Variants in MOK observed in about 807,000 individuals in gnomAD.
MOK encodes the protein MAPK/MAK/MRK overlapping kinase.
MOK carries 59 observed loss-of-function variants against 54.2 expected under a neutral mutation model. The ratio of observed to expected loss-of-function variants is 1.09; its 90% CI spans 0.88 to 1.35. The LOEUF is 1.35. Among genes scored for constraint, MOK ranks in the 40% most tolerant of loss-of-function variants. The pLI is 0.00. For synonymous variants in MOK, 210 were observed against 202.7 expected, an observed-to-expected ratio of 1.04 and a Z score of -0.31; for missense variants, 517 against 526.2, an observed-to-expected ratio of 0.98 and a Z score of 0.17.
chr14:102,236,106 G>A lies in MOK; in HGVS notation c.591-2317C>T, dbSNP rs1039855981. ...CCAGCAGACAGGCCACTGGAAGTCC[G>A]ACTGTCCTCTCAACAGACAGACAAG... is the stretch of plus-strand genomic sequence containing the variant. On this transcript the variant is annotated intron_variant, in intron 7 of 11. Coordinates refer to ENST00000361847, the MANE Select transcript of MOK (RefSeq NM_014226.3). The surrounding 1 kb of genome is among the most constrained non-coding windows in gnomAD (Gnocchi z 4.5). Among the ~76,000 whole-genome samples, 8 of 152,172 alleles carry A rather than the reference G, an allele frequency of 5.3e-5. No individual in the cohort carries two copies. Among genetic ancestry groups the A allele is most frequent in the African/African-American group, 9.7e-5 (4 of 41,446 alleles).
At chr14:102,294,600 C>G (rs556475024) in intron 1 of MOK, among the ~76,000 whole-genome samples, 3 of 151,374 alleles carry the variant, frequency 2.0e-5, no homozygotes, top group African/African-American at 4.9e-5. Flanking sequence ...GAGTGACAGA[C>G]AGCGAGAGAC....
intron 1 of MOK, among the ~76,000 whole-genome samples, chr14:102,303,734 C>T (rs1242016552): frequency 6.6e-6 from 1 of 152,152 alleles, no homozygotes; most frequent in African/African-American, 2.4e-5. Context: ...TAGTAGTCTA[C>T]AACTAACTCT....
chr14:102,232,884 G>A lies in MOK; in HGVS notation c.693-176C>T. On this transcript the variant is annotated intron_variant, in intron 8 of 11. Coordinates refer to ENST00000361847, the MANE Select transcript of MOK (RefSeq NM_014226.3). The surrounding 1 kb of genome is among the most constrained non-coding windows in gnomAD (Gnocchi z 5.1). ...GAGGGACCCCTGATGTAAATGATGG[G>A]CTCTGTGTAGTAATGAGATATCCAC... 1 of 546,154 alleles carries A rather than the reference G, an allele frequency of 1.8e-6. No individual in the cohort carries two copies. The highest frequency in any genetic ancestry group is 3.2e-6 in the Non-Finnish European group (1 of 310,238). The allele number at this position is 546,154 out of a possible 1,614,324, so 33.8% of individuals were successfully genotyped here. A position where few individuals can be genotyped will look rare whatever the true frequency, so the allele number is the denominator to read the frequency against.
chr14:102,284,815 C>T (rs558060541), intron 1 of MOK, among the ~76,000 whole-genome samples: 1 of 152,276 alleles, frequency 6.6e-6, no homozygotes, highest in African/African-American at 2.4e-5. Context: ...CGGTGGCTCA[C>T]GCCTGTAATC....
chr14:102,275,009 TA>T (rs2068725301), intron 2 of MOK, among the ~76,000 whole-genome samples: 1 of 151,082 alleles, frequency 6.6e-6, no homozygotes, highest in Non-Finnish European at 1.5e-5. Flanking sequence ...AGACTTTTAG[TA>T]TCTGACTTCA....
chr14:102,297,444 T>C (rs1041164416), intron 1 of MOK, among the ~76,000 whole-genome samples: 7 of 152,140 alleles, frequency 4.6e-5, no homozygotes, highest in African/African-American at 1.7e-4. Context: ...AAAGGATTAT[T>C]TGAGGTACCT....
Position 102,231,670 on chromosome 14 carries a change from G to A in MOK, c.981+37C>T, listed in dbSNP as rs2064723066. The A allele has an allele frequency of 1.9e-6, 3 of 1,587,874 alleles. No individual in the cohort carries two copies. Among genetic ancestry groups the A allele is most frequent in the Non-Finnish European group, 2.6e-6 (3 of 1,159,112 alleles). ...CACCCGAGGGCATCCAGTCCCGGCTGAGCTAGGCAGTCTCCGGCTCCGATT... is the reference window on the plus strand; with the variant it reads ...CACCCGAGGGCATCCAGTCCCGGCTAAGCTAGGCAGTCTCCGGCTCCGATT... On this transcript the variant is annotated intron_variant, in intron 10 of 11. Transcript: ENST00000361847. This position sits in a 1 kb window ranked among gnomAD's most constrained non-coding sequence, Gnocchi z 4.4.
At chr14:102,288,342 T>C (rs533820389) in intron 1 of MOK, among the ~76,000 whole-genome samples, 1 of 152,332 alleles carries the variant, frequency 6.6e-6, no homozygotes, top group Admixed American at 6.5e-5. Context: ...CAATGGAATA[T>C]TACTCAGCCA....
intron 2 of MOK, among the ~76,000 whole-genome samples, chr14:102,269,189 ATT>A (rs561391144): frequency 2.1e-5 from 3 of 144,110 alleles, no homozygotes; most frequent in African/African-American, 2.5e-5. Context: ...AAATAAGAGA[ATT>A]TTTTTTTTTT....
chr14:102,218,945 G>A, the MOK span, among the ~76,000 whole-genome samples: 4 of 152,202 alleles, frequency 2.6e-5, no homozygotes, highest in Admixed American at 6.5e-5. Flanking sequence ...CGGCCGGGCC[G>A]GGCCTTGCCC....
downstream of MOK, chr14:102,222,771 A>G (rs1452397801): frequency 1.1e-5 from 17 of 1,599,908 alleles, no homozygotes; most frequent in South Asian, 1.1e-4. The surrounding 1 kb of genome is among the most constrained non-coding windows in gnomAD (Gnocchi z 4.4). Context: ...GAGGGCGCGC[A>G]TGGTGGCTGT....
chr14:102,245,052 G>A lies in MOK; in HGVS notation c.590+5760C>T, dbSNP rs2065987586. 6.6e-6 allele frequency among the ~76,000 whole-genome samples: 1 copy of A among 152,056 alleles called. No homozygotes were observed. Among genetic ancestry groups the A allele is most frequent in the African/African-American group, 2.4e-5 (1 of 41,398 alleles). On this transcript the variant is annotated intron_variant, in intron 7 of 11. Transcript: ENST00000361847. This position sits in a 1 kb window ranked among gnomAD's most constrained non-coding sequence, Gnocchi z 4.3. The stretch of plus-strand genomic sequence containing the variant: ...GGCACTCCCTAATTGGAAGTCCTGG[G>A]TCCTCCCAATTCTTAGTCCTTTAAT...
intron 1 of MOK, among the ~76,000 whole-genome samples, chr14:102,287,901 C>A (rs1460115826): frequency 6.7e-6 from 1 of 148,422 alleles, no homozygotes; most frequent in Non-Finnish European, 1.5e-5. Flanking sequence ...GGCGCAATCT[C>A]GGCTCACTGC....
At chr14:102,256,408 C>CA (rs33921632) in intron 4 of MOK, among the ~76,000 whole-genome samples, 19 of 150,408 alleles carry the variant, frequency 1.3e-4, no homozygotes, top group Admixed American at 2.7e-4. Flanking sequence ...ACTAAAAATA[C>CA]AAAAAAAAAT....
chr14:102,289,588 C>G (rs1381572298), intron 1 of MOK, among the ~76,000 whole-genome samples: 1 of 152,118 alleles, frequency 6.6e-6, no homozygotes, highest in East Asian at 1.9e-4. Flanking sequence ...CTTCCAAGTT[C>G]AAGAGATTCT....
chr14:102,231,557 C>T lies in MOK; in HGVS notation c.981+150G>A, dbSNP rs754187512. 7.7e-6 allele frequency: 5 copies of T among 649,732 alleles called. No individual in the cohort carries two copies. The highest frequency in any genetic ancestry group is 2.0e-5 in the South Asian group (1 of 51,230). 40.2% of individuals were successfully genotyped at this position (649,732 alleles called of 1,614,324 possible). ...TCCCTGATGTCCCAACACATGGAGC[C>T]ATCAACTCGCATGCTGTTCAGGCCT... is the stretch of plus-strand genomic sequence containing the variant. On this transcript the variant is annotated intron_variant, in intron 10 of 11. Transcript: ENST00000361847. The surrounding 1 kb of genome is among the most constrained non-coding windows in gnomAD (Gnocchi z 4.4).
At chr14:102,261,612 C>G (rs1261881144) in intron 4 of MOK, among the ~76,000 whole-genome samples, 1 of 150,654 alleles carries the variant, frequency 6.6e-6, no homozygotes, top group Non-Finnish European at 1.5e-5. Flanking sequence ...CAGCTCACTG[C>G]AACTTCTGCC....
chr14:102,301,542 C>G (rs1021002670), intron 1 of MOK, among the ~76,000 whole-genome samples: 1 of 152,196 alleles, frequency 6.6e-6, no homozygotes. Context: ...CAGCCCCACT[C>G]TGACCCCAAG....
At chr14:102,269,594 T>A (rs1597459043) in intron 2 of MOK, among the ~76,000 whole-genome samples, 1 of 151,106 alleles carries the variant, frequency 6.6e-6, no homozygotes, top group East Asian at 2.0e-4. Flanking sequence ...TGCCTCAGCC[T>A]CCCAAGTAGC....
Sources: allele counts gnomAD v4.1 joint callset (sites outside exome capture counted in the v4.1 genomes callset), GRCh38; gene constraint gnomAD v4.1.1; non-coding constraint Gnocchi (gnomAD v3.1); transcripts MANE v1.5; gene names NCBI Gene and HGNC (gene_info 2026-07-23, HGNC 2026-07-21).